Variants in STAB2 observed in about 807,000 individuals in gnomAD.
STAB2 encodes the protein stabilin 2.
A neutral mutation model predicts 338.1 loss-of-function variants in STAB2; 288 were observed. The observed-to-expected ratio is 0.85, with a 90% CI of 0.77 to 0.94. STAB2 has a LOEUF of 0.94. Ranked by LOEUF, STAB2 falls within the 40% of genes least tolerant of loss-of-function variation. STAB2 has a pLI of 0.00. For synonymous variants in STAB2, 1,202 were observed against 1,193.3 expected (o/e 1.01, Z -0.15); for missense variants, 3,141 against 3,210.1 (o/e 0.98, Z 0.52).
intron 54 of STAB2, among the ~76,000 whole-genome samples, chr12:103,739,726 T>C (rs934960182): frequency 1.3e-5 from 2 of 152,202 alleles, no homozygotes; most frequent in African/African-American, 4.8e-5. Flanking sequence ...CTAGAAGGAC[T>C]TAGAAGATAA....
At position 103,742,537 on chromosome 12, in the gene STAB2, T is replaced by C; in HGVS notation, c.6014T>C (p.Phe2005Ser). The C allele has an allele frequency of 6.2e-7, 1 of 1,614,118 alleles. No individual in the cohort carries two copies. The highest frequency in any genetic ancestry group is 8.5e-7 in the Non-Finnish European group (1 of 1,180,002). ...TGTGAGATGTGCTGGCCGGGGAGAT[T>C]CGGGCCTGATTGTCTGCGTATGTGG... ...TACEMCWPGR[F>S]GPDCLPCGCS... is the part of the protein sequence containing the mutation. Residue 2005 changes from phenylalanine to serine, a missense_variant, in exon 56 of 69, where the codon TTC becomes TCC. Physicochemically the swap from Phe to Ser is radical, Grantham distance 155. Transcript: ENST00000388887.
chr12:103,749,567 C>T (rs1189359456), intron 59 of STAB2, among the ~76,000 whole-genome samples: 5 of 151,696 alleles, frequency 3.3e-5, no homozygotes, highest in East Asian at 1.9e-4. Context: ...CGGTGGCTCA[C>T]GCCTGTAATC....
chr12:103,733,600 C>T (rs868220582), intron 51 of STAB2, among the ~76,000 whole-genome samples: 1 of 152,078 alleles, frequency 6.6e-6, no homozygotes, highest in African/African-American at 2.4e-5. Flanking sequence ...AATTGTGGCC[C>T]CTGAACTGAT....
Position 103,717,856 on chromosome 12 carries a change from A to C in STAB2, c.4683+15A>C, listed in dbSNP as rs772855708. 4 of 1,613,808 alleles carry C rather than the reference A, an allele frequency of 2.5e-6. No individual in the cohort carries two copies. In the African/African-American group the frequency reaches 4.0e-5, roughly 16 times the overall value. On this transcript the variant is annotated intron_variant, in intron 44 of 68. Transcript: ENST00000388887. Reference sequence around the variant, plus strand: ...TCTGCTTAACTGTGAGTATGGCTCTAGGGTGGATATCCTTCAAGCCTCAGA... The same window carrying C: ...TCTGCTTAACTGTGAGTATGGCTCTCGGGTGGATATCCTTCAAGCCTCAGA...
chr12:103,644,515 C>A (rs1873186396), intron 9 of STAB2, among the ~76,000 whole-genome samples: 2 of 148,866 alleles, frequency 1.3e-5, no homozygotes, highest in African/African-American at 5.0e-5. Context: ...GAGAAACACC[C>A]AAGAATGATC....
At chr12:103,720,430 A>G (rs558843890) in intron 44 of STAB2, among the ~76,000 whole-genome samples, 1 of 152,294 alleles carries the variant, frequency 6.6e-6, no homozygotes, top group East Asian at 1.9e-4. Context: ...CTAATGGGGA[A>G]ATATCTACTC....
Position 103,712,403 on chromosome 12 carries a change from G to A in STAB2, c.4371G>A (p.Lys1457=), listed in dbSNP as rs1449493947. The A allele has an allele frequency of 2.5e-6, 4 of 1,614,008 alleles. No homozygotes were observed. Among genetic ancestry groups the A allele is most frequent in the South Asian group, 1.1e-5 (1 of 91,092 alleles). Residue 1457 remains lysine (K), a synonymous_variant, in exon 41 of 69, where the codon AAG becomes AAA. Transcript: ENST00000388887. The part of the protein sequence containing the change: ...LTNSDGTASC[K]CAAGFQGNGT... ...ACTCAGATGGTACAGCTTCATGCAA[G>A]TGTGCAGCAGGATTCCAAGGAAACG...
chr12:103,621,681 C>T (rs1160495753), intron 4 of STAB2, among the ~76,000 whole-genome samples: 1 of 152,214 alleles, frequency 6.6e-6, no homozygotes, highest in African/African-American at 2.4e-5. Context: ...CGAGATCGTG[C>T]CACTGCACTT....
At chr12:103,623,226 A>G (rs1260214348) in intron 5 of STAB2, among the ~76,000 whole-genome samples, 3 of 152,154 alleles carry the variant, frequency 2.0e-5, no homozygotes, top group Admixed American at 6.5e-5. Flanking sequence ...TGCAGAACAC[A>G]CAGCTCAGTC....
intron 63 of STAB2, among the ~76,000 whole-genome samples, chr12:103,756,997 ATATATATAT>A (rs1166611953): frequency 0.081 from 10,489 of 130,108 alleles, 518 homozygotes; most frequent in African/African-American, 0.11. Flanking sequence ...AGGAGGGAAA[ATATATATAT>A]ATATATATAT....
chr12:103,666,122 C>T (rs1224947206), intron 18 of STAB2, among the ~76,000 whole-genome samples, 169 bp from the exon 19 acceptor site: 1 of 152,232 alleles, frequency 6.6e-6, no homozygotes, highest in African/African-American at 2.4e-5. Context: ...TGACTTCACT[C>T]CTTCTCCCAC....
chr12:103,694,394 C>G (rs921188200), intron 31 of STAB2, among the ~76,000 whole-genome samples: 1 of 152,162 alleles, frequency 6.6e-6, no homozygotes, highest in African/African-American at 2.4e-5. Context: ...TCAGCTCCAA[C>G]AACTCAGAAA....
At position 103,669,524 on chromosome 12, in the gene STAB2, C is replaced by A. The variant is rs573419264; in HGVS notation, c.2173-17C>A. On this transcript the variant is annotated splice_polypyrimidine_tract_variant and intron_variant, in intron 20 of 68. Transcript: ENST00000388887. ...CTACTTGGGGGTTCAAAGGGGAACA[C>A]GCATTTTGTTTTTCAGATTCCAAAG... is the stretch of plus-strand genomic sequence containing the variant. 16 of 1,609,032 alleles carry A rather than the reference C, an allele frequency of 9.9e-6. No individual in the cohort carries two copies. The highest frequency in any genetic ancestry group is 1.7e-4 in the Middle Eastern group (1 of 6,058).
intron 37 of STAB2, among the ~76,000 whole-genome samples, chr12:103,706,224 A>T (rs1879336215): frequency 6.6e-6 from 1 of 152,124 alleles, no homozygotes; most frequent in African/African-American, 2.4e-5. Context: ...AGGTGGGGTG[A>T]TCTGGCCCTT....
intron 9 of STAB2, among the ~76,000 whole-genome samples, chr12:103,643,189 T>C (rs12423989): frequency 2.0e-5 from 3 of 152,172 alleles, no homozygotes; most frequent in African/African-American, 7.2e-5. Flanking sequence ...CTAAGGGCAC[T>C]CATTCCATTC....
chr12:103,678,893 T>C (rs1018793093), intron 25 of STAB2, among the ~76,000 whole-genome samples: 4 of 152,152 alleles, frequency 2.6e-5, no homozygotes, highest in Non-Finnish European at 5.9e-5. Flanking sequence ...GCTTTAGGCA[T>C]CATTCCCACT....
chr12:103,707,969 G>T (rs1269000411), intron 38 of STAB2, among the ~76,000 whole-genome samples: 1 of 152,136 alleles, frequency 6.6e-6, no homozygotes, highest in Non-Finnish European at 1.5e-5. Flanking sequence ...CATTTTTCTG[G>T]GGAAGGCATC....
intron 58 of STAB2, among the ~76,000 whole-genome samples, chr12:103,748,071 C>A (rs546011438): frequency 2.4e-4 from 37 of 151,678 alleles, no homozygotes; most frequent in Admixed American, 8.5e-4. Flanking sequence ...GCAGTCTCAG[C>A]CACATGTACT....
intron 6 of STAB2, among the ~76,000 whole-genome samples, chr12:103,636,014 C>G (rs1957539323): frequency 6.6e-6 from 1 of 152,122 alleles, no homozygotes; most frequent in Non-Finnish European, 1.5e-5. Context: ...AGTAGTTGCT[C>G]TTTATAGACC....
Sources: allele counts gnomAD v4.1 joint callset (sites outside exome capture counted in the v4.1 genomes callset), GRCh38; gene constraint gnomAD v4.1.1; transcripts MANE v1.5; gene names NCBI Gene and HGNC (gene_info 2026-07-23, HGNC 2026-07-21).